ENAM: variants seen among roughly 807,000 people sequenced by gnomAD.
ENAM encodes enamelin, also known as amelogenesis imperfecta 2, hypocalcification (autosomal dominant).
A neutral mutation model predicts 33.6 loss-of-function variants in ENAM; 21 were observed. The ratio of observed to expected loss-of-function variants is 0.63; its 90% CI spans 0.44 to 0.90. The LOEUF (loss-of-function observed/expected upper bound fraction) is 0.90. ENAM is among the 40% of genes least tolerant of loss of function. The pLI is 0.00. For missense variants in ENAM, 1,388 were observed against 1,366.9 expected (o/e 1.02, Z -0.24); for synonymous variants, 473 against 468.4 (o/e 1.01, Z -0.13).
chr4:70,629,645 A>G (rs1189060200), intron 2 of ENAM, 91 bp downstream of exon 2: 1 of 933,122 alleles, frequency 1.1e-6, no homozygotes, highest in African/African-American at 1.6e-5. Context: ...ACACTACTGA[A>G]ATGTATCAGA....
intron 8 of ENAM, among the ~76,000 whole-genome samples, chr4:70,639,419 G>A (rs143397489): frequency 0.024 from 3,696 of 151,150 alleles, 78 homozygotes; most frequent in Non-Finnish European, 0.038. Flanking sequence ...GTGAAATCCC[G>A]TCTCTACTAA....
At chr4:70,634,887 G>T (rs1013862021) in intron 6 of ENAM, among the ~76,000 whole-genome samples, 2 of 152,190 alleles carry the variant, frequency 1.3e-5, no homozygotes, top group African/African-American at 4.8e-5. Context: ...TATTGAACAA[G>T]TTACTTCACC....
At position 70,642,711 on chromosome 4, in the gene ENAM, C is replaced by T. The variant is rs1343700582; in HGVS notation, c.1285C>T (p.Arg429Cys). 7 of 1,604,576 alleles carry T rather than the reference C, an allele frequency of 4.4e-6. No homozygotes were observed. Among genetic ancestry groups the T allele is most frequent in the Non-Finnish European group, 5.9e-6 (7 of 1,176,692 alleles). The change falls in exon 9 of 9, where the codon CGC (arginine) becomes TGC (cysteine). Residue 429 changes from arginine to cysteine, a missense_variant. Transcript: ENST00000396073. ...GGGTCCCAAACCTGGCCCTGTTGTT[C>T]GCAATGAAAAAATCCAAAATCCAAA... ...PLGPKPGPVVRNEKIQNPKEK... is the reference protein window; with the variant it reads ...PLGPKPGPVVCNEKIQNPKEK...
intron 6 of ENAM, among the ~76,000 whole-genome samples, chr4:70,634,840 G>A (rs961828870): frequency 2.0e-5 from 3 of 152,150 alleles, no homozygotes; most frequent in Non-Finnish European, 4.4e-5. Flanking sequence ...AGAATCAAAG[G>A]TTCAAGTCCT....
In ENAM at chr4:70,645,233, AC is replaced by A; in HGVS notation, c.*379del. 2.8e-5 allele frequency: 8 copies of A among 286,744 alleles called. No individual in the cohort carries two copies. The highest frequency in any genetic ancestry group is 1.4e-4 in the South Asian group (2 of 14,222). The allele number at this position is 286,744 out of a possible 1,614,324, so 17.8% of individuals were successfully genotyped here. A position where few individuals can be genotyped will look rare whatever the true frequency, so the allele number is the denominator to read the frequency against. On this transcript the variant is annotated 3_prime_UTR_variant, in exon 9 of 9. Transcript: ENST00000396073. ...GAAAGGCAGATTAACTTTCCATTCT[AC>A]TTATGGAGATCCACACATCAGTATA...
intron 6 of ENAM, 111 bp from the exon 7 acceptor site, chr4:70,635,721 T>C: frequency 1.4e-6 from 1 of 740,364 alleles, no homozygotes; most frequent in Non-Finnish European, 2.4e-6. Context: ...CAGAGTTTAA[T>C]GCAAAGGGAG....
chr4:70,638,448 T>C (rs937261740), intron 8 of ENAM, among the ~76,000 whole-genome samples: 1 of 143,316 alleles, frequency 7.0e-6, no homozygotes, highest in African/African-American at 2.7e-5. Context: ...GACAGATTGT[T>C]CTTTTTTTTT....
chr4:70,629,168 A>G (rs1738246402), intron 1 of ENAM, among the ~76,000 whole-genome samples: 1 of 152,134 alleles, frequency 6.6e-6, no homozygotes, highest in Non-Finnish European at 1.5e-5. Flanking sequence ...CAGCCTTCTT[A>G]GACCTCCTTT....
At chr4:70,637,914 C>T (rs1738499357) in intron 8 of ENAM, 71 bp downstream of exon 8, 1 of 1,122,986 alleles carries the variant, frequency 8.9e-7, no homozygotes, top group African/African-American at 1.5e-5. Context: ...TTATCCACAT[C>T]TAATAAGAAA....
rs1464730768 is a variant in ENAM, at chr4:70,646,138, G to A, written c.*1283G>A. On this transcript the variant is annotated 3_prime_UTR_variant, in exon 9 of 9. Coordinates refer to ENST00000396073, the MANE Select transcript of ENAM (RefSeq NM_031889.3). ...TACTAACATTCTTCATGTCCATGCA[G>A]AATTACTTACAGACACTCTTTCTTG... 5 of 151,286 alleles carry A rather than the reference G, an allele frequency of 3.3e-5. No individual in the cohort carries two copies. The highest frequency in any genetic ancestry group is 7.4e-5 in the Non-Finnish European group (5 of 67,880). The allele number at this position is 151,286 out of a possible 1,614,324, so 9.4% of individuals were successfully genotyped here.
At chr4:70,635,188 C>T (rs1265338558) in intron 6 of ENAM, among the ~76,000 whole-genome samples, 1 of 152,046 alleles carries the variant, frequency 6.6e-6, no homozygotes, top group Non-Finnish European at 1.5e-5. Flanking sequence ...ACCAGCCTGG[C>T]CAACATGGTG....
In ENAM at chr4:70,642,840, A is replaced by G; in HGVS notation, c.1414A>G (p.Lys472Glu). 1 of 1,613,780 alleles carries G rather than the reference A, an allele frequency of 6.2e-7. No homozygotes were observed. Among genetic ancestry groups the G allele is most frequent in the Non-Finnish European group, 8.5e-7 (1 of 1,179,696 alleles). Residue 472 changes from lysine (K) to glutamate (E), a missense_variant, in exon 9 of 9, where the codon AAA (lysine) becomes GAA (glutamate). Transcript: ENST00000396073. ...QQYEVNKSNY[K>E]LPHSEGYMPV... is the part of the protein sequence containing the mutation. ...GTATGAAGTTAATAAATCAAATTAT[A>G]AACTGCCTCACTCTGAGGGTTATAT...
Position 70,644,305 on chromosome 4 carries a change from T to C in ENAM, c.2879T>C (p.Ile960Thr). Residue 960 changes from isoleucine to threonine, a missense_variant, in exon 9 of 9, where the codon ATA becomes ACA. Transcript: ENST00000396073. ...CTGAGGAGGAACACACCATGTTCTA[T>C]AAAGAATCAACTGGGCCAAAAGGAA... ...STLRRNTPCS[I>T]KNQLGQKEIM... is the part of the protein sequence containing the mutation. 6.2e-7 allele frequency: 1 copy of C among 1,614,196 alleles called. No individual in the cohort carries two copies. The highest frequency in any genetic ancestry group is 1.3e-5 in the African/African-American group (1 of 75,042).
intron 7 of ENAM, among the ~76,000 whole-genome samples, chr4:70,636,142 T>C (rs965017156): frequency 1.3e-5 from 2 of 152,086 alleles, no homozygotes; most frequent in Non-Finnish European, 2.9e-5. Context: ...GCTAATAAAT[T>C]AATTTTAAAA....
intron 7 of ENAM, among the ~76,000 whole-genome samples, 180 bp downstream of exon 7, chr4:70,636,074 TCAGA>T (rs1577969809): frequency 6.6e-6 from 1 of 152,100 alleles, no homozygotes; most frequent in Non-Finnish European, 1.5e-5. Context: ...AATTTCATAC[TCAGA>T]CAAATTGGTG....
rs780683473 is a variant in ENAM, at chr4:70,643,887, C to G, written c.2461C>G (p.Pro821Ala). 2.5e-6 allele frequency: 4 copies of G among 1,614,172 alleles called. No homozygotes were observed. The highest frequency in any genetic ancestry group is 3.4e-6 in the Non-Finnish European group (4 of 1,180,026). Reference protein sequence around the residue: ...SNTPAGLQKNPIWHEGENLNY... With the variant: ...SNTPAGLQKNAIWHEGENLNY... Reference sequence around the variant, plus strand: ...CACCCCAGCTGGGCTTCAGAAAAATCCAATATGGCATGAAGGTGAGAATTT... The same window carrying G: ...CACCCCAGCTGGGCTTCAGAAAAATGCAATATGGCATGAAGGTGAGAATTT... The change falls in exon 9 of 9, where the codon CCA (proline) becomes GCA (alanine). Residue 821 changes from proline to alanine, a missense_variant. Physicochemically the swap from Pro to Ala is conservative, Grantham distance 27. Transcript: ENST00000396073.
intron 7 of ENAM, 26 bp downstream of exon 7, chr4:70,635,920 T>C (rs778173922): frequency 1.5e-6 from 2 of 1,303,556 alleles, no homozygotes; most frequent in Non-Finnish European, 2.2e-6. Flanking sequence ...TTCTTTACAC[T>C]GTAAGTGAAA....
At position 70,629,537 on chromosome 4, in the gene ENAM, C is replaced by T. The variant is rs1354696780; in HGVS notation, c.37C>T (p.Pro13Ser). ...VLRCRLGTSF[P>S]KLDNLVPKGK... ...TCGGTGCAGGCTTGGAACCTCTTTT[C>T]CTAAACTAGATAACTTGGTGAGTAC... Residue 13 changes from proline to serine, a missense_variant, in exon 2 of 9, where the codon CCT becomes TCT. Pro to Ser is a moderately conservative substitution (Grantham distance 74, BLOSUM62 -1). Coordinates refer to ENST00000396073, the MANE Select transcript of ENAM (RefSeq NM_031889.3). 6 of 1,612,878 alleles carry T rather than the reference C, an allele frequency of 3.7e-6. No homozygotes were observed. Among genetic ancestry groups the T allele is most frequent in the Non-Finnish European group, 1.7e-6 (2 of 1,179,156 alleles).
intron 5 of ENAM, among the ~76,000 whole-genome samples, 158 bp from the exon 6 acceptor site, chr4:70,634,150 A>C (rs538524706): frequency 6.6e-6 from 1 of 152,328 alleles, no homozygotes; most frequent in South Asian, 2.1e-4. Flanking sequence ...GACAATGTGT[A>C]AGGAAATTCT....
Sources: gnomAD v4.1 joint callset for allele counts (sites outside exome capture counted in the v4.1 genomes callset) on GRCh38, gnomAD v4.1.1 for gene constraint, MANE v1.5 for transcripts, NCBI Gene and HGNC (gene_info 2026-07-23, HGNC 2026-07-21) for gene names.